SYT1: variants seen among roughly 807,000 people sequenced by gnomAD.
SYT1 encodes the protein synaptotagmin-1.
Under a neutral mutation model 44.8 loss-of-function variants are expected in SYT1, and 8 were observed. The ratio of observed to expected loss-of-function variants is 0.18; its 90% CI spans 0.10 to 0.32. The LOEUF (loss-of-function observed/expected upper bound fraction) is 0.32. SYT1 is among the 10% of genes least tolerant of loss of function. SYT1 has a pLI of 1.00. For synonymous variants in SYT1, 154 were observed against 188.8 expected, an observed-to-expected ratio of 0.82 and a Z score of 1.51; for missense variants, 286 against 509.3, an observed-to-expected ratio of 0.56 and a Z score of 4.22.
intron 1 of SYT1, among the ~76,000 whole-genome samples, chr12:78,973,497 C>G (rs1868525267): frequency 1.3e-5 from 2 of 152,106 alleles, no homozygotes; most frequent in Admixed American, 1.3e-4. Context: ...AAGCCCATTA[C>G]TGGGTATATA....
At chr12:79,039,048 A>T (rs1873332509) in intron 2 of SYT1, among the ~76,000 whole-genome samples, 1 of 152,022 alleles carries the variant, frequency 6.6e-6, no homozygotes, top group Admixed American at 6.6e-5. Flanking sequence ...CGCAAAAATT[A>T]TTTGTATATT....
chr12:79,408,234 C>G (rs182761577), intron 9 of SYT1, among the ~76,000 whole-genome samples: 4 of 152,188 alleles, frequency 2.6e-5, no homozygotes, highest in Admixed American at 2.6e-4. Context: ...TCACCAAAGC[C>G]AAGGTGGCTA....
chr12:79,034,379 A>G (rs1872996947), intron 2 of SYT1, among the ~76,000 whole-genome samples: 1 of 151,636 alleles, frequency 6.6e-6, no homozygotes, highest in Admixed American at 6.6e-5. Flanking sequence ...AAGGTAATAT[A>G]TCTAATAAGT....
At chr12:78,867,971 A>T (rs1335892603) in intron 1 of SYT1, among the ~76,000 whole-genome samples, 1 of 151,936 alleles carries the variant, frequency 6.6e-6, no homozygotes, top group Non-Finnish European at 1.5e-5. Flanking sequence ...CTGTTAGCCT[A>T]ATAACACCAT....
At chr12:78,954,060 C>G (rs904886585) in intron 1 of SYT1, among the ~76,000 whole-genome samples, 5 of 152,076 alleles carry the variant, frequency 3.3e-5, no homozygotes, top group African/African-American at 1.2e-4. Context: ...GAGATACTTT[C>G]TCTAGCTGCT....
chr12:79,385,747 G>T (rs1229559804), intron 9 of SYT1, among the ~76,000 whole-genome samples: 2 of 151,946 alleles, frequency 1.3e-5, no homozygotes, highest in African/African-American at 2.4e-5. Flanking sequence ...TGTTGTTGTT[G>T]TTTTTTAATT....
chr12:79,307,627 T>TG (rs1323331848), intron 8 of SYT1, among the ~76,000 whole-genome samples: 214 of 8,126 alleles, frequency 0.026, no homozygotes, highest in African/African-American at 0.048. Flanking sequence ...GGGGTGGGGG[T>TG]GGGGGGGCGT....
At chr12:79,178,991 TATAG>T (rs1872117212) in intron 3 of SYT1, among the ~76,000 whole-genome samples, 1 of 49,892 alleles carries the variant, frequency 2.0e-5, no homozygotes, top group African/African-American at 8.1e-5. Context: ...GATATATCTA[TATAG>T]ATATAGATAT....
At chr12:79,202,497 GT>G (rs1255646478) in intron 3 of SYT1, among the ~76,000 whole-genome samples, 1 of 152,126 alleles carries the variant, frequency 6.6e-6, no homozygotes, top group East Asian at 1.9e-4. Context: ...AAAATAAATT[GT>G]TTCTTACTAA....
chr12:79,435,844 A>G (rs924539736), intron 9 of SYT1, among the ~76,000 whole-genome samples: 4 of 152,268 alleles, frequency 2.6e-5, no homozygotes, highest in Admixed American at 2.6e-4. Context: ...TGCCTATAGC[A>G]TCCCTCCCTC....
At chr12:79,395,280 G>T (rs181275833) in intron 9 of SYT1, among the ~76,000 whole-genome samples, 1 of 152,026 alleles carries the variant, frequency 6.6e-6, no homozygotes, top group East Asian at 1.9e-4. Flanking sequence ...GTGCAGTGGC[G>T]CAATCTCAGC....
chr12:79,215,704 A>T (rs1874745407), intron 3 of SYT1, among the ~76,000 whole-genome samples: 1 of 152,072 alleles, frequency 6.6e-6, no homozygotes, highest in Non-Finnish European at 1.5e-5. Context: ...CATAAAAGAG[A>T]GAGAGAGAAA....
At chr12:79,179,089 TA>T (rs1872155546) in intron 3 of SYT1, among the ~76,000 whole-genome samples, 1 of 120,778 alleles carries the variant, frequency 8.3e-6, no homozygotes, top group African/African-American at 3.6e-5. Context: ...TAGATATAGA[TA>T]TATAGATATA....
At chr12:79,292,270 T>C in intron 6 of SYT1, 140 bp downstream of exon 6, 2 of 1,079,850 alleles carry the variant, frequency 1.9e-6, no homozygotes. Flanking sequence ...TGAAATAATT[T>C]CTAAGAACAG....
chr12:79,186,396 T>A (rs1432879447), intron 3 of SYT1, among the ~76,000 whole-genome samples: 3 of 152,036 alleles, frequency 2.0e-5, no homozygotes, highest in Non-Finnish European at 4.4e-5. Context: ...TTTTCTTTCA[T>A]CAATATTAGA....
At chr12:78,926,446 A>G (rs955583825) in intron 1 of SYT1, among the ~76,000 whole-genome samples, 4 of 152,086 alleles carry the variant, frequency 2.6e-5, no homozygotes, top group Non-Finnish European at 5.9e-5. Context: ...AATGTTTGCA[A>G]TAAAATTTCT....
At chr12:79,246,968 G>C (rs1876887877) in intron 4 of SYT1, among the ~76,000 whole-genome samples, 1 of 152,176 alleles carries the variant, frequency 6.6e-6, no homozygotes, top group Non-Finnish European at 1.5e-5. Flanking sequence ...CAGTTATTGG[G>C]GGTGTTAGAT....
At chr12:79,073,717 G>C (rs17046334) in intron 3 of SYT1, among the ~76,000 whole-genome samples, 18,009 of 152,160 alleles carry the variant, frequency 0.12, 1,141 homozygotes, top group Non-Finnish European at 0.13. Context: ...TGCAGTATTT[G>C]TTGTTGGCCA....
intron 4 of SYT1, among the ~76,000 whole-genome samples, chr12:79,239,999 T>C (rs6539317): frequency 0.69 from 105,132 of 152,108 alleles, 36,707 homozygotes; most frequent in African/African-American, 0.73. Context: ...TTTTGATGAA[T>C]TGAAATACAA....
Sources: gnomAD v4.1 joint callset for allele counts (sites outside exome capture counted in the v4.1 genomes callset) on GRCh38, gnomAD v4.1.1 for gene constraint, MANE v1.5 for transcripts, NCBI Gene and HGNC (gene_info 2026-07-23, HGNC 2026-07-21) for gene names.